CELF4: variants seen among roughly 807,000 people sequenced by gnomAD.
CELF4 encodes the protein CUGBP Elav-like family member 4.
Under a neutral mutation model 59.9 loss-of-function variants are expected in CELF4, and 18 were observed. The ratio of observed to expected loss-of-function variants is 0.30; its 90% confidence interval spans 0.21 to 0.45. CELF4 has a LOEUF of 0.45. Ranked by LOEUF, CELF4 falls within the 20% of genes least tolerant of loss-of-function variation. CELF4 has a pLI of 1.00. For synonymous variants in CELF4, 261 were observed against 267.1 expected (o/e 0.98, Z 0.22); for missense variants, 456 against 689.0 (o/e 0.66, Z 3.79).
intron 10 of CELF4, among the ~76,000 whole-genome samples, chr18:37,259,923 A>C (rs1227486914): frequency 1.3e-5 from 2 of 152,118 alleles, no homozygotes; most frequent in African/African-American, 4.8e-5. Context: ...TAGCCAGGGA[A>C]CCCTCCAGCC....
chr18:37,472,898 G>A (rs1208207224), intron 2 of CELF4, among the ~76,000 whole-genome samples: 1 of 152,198 alleles, frequency 6.6e-6, no homozygotes, highest in Non-Finnish European at 1.5e-5. Context: ...ATTTATGATG[G>A]TTAAGCTAGT....
intron 1 of CELF4, among the ~76,000 whole-genome samples, chr18:37,550,123 T>C (rs1410999883): frequency 8.3e-6 from 1 of 119,898 alleles, no homozygotes; most frequent in Non-Finnish European, 1.6e-5. Flanking sequence ...ACCCCAAGAA[T>C]AGGTCTGGGG....
chr18:37,556,983 C>T (rs895688389), intron 1 of CELF4, among the ~76,000 whole-genome samples: 2 of 152,104 alleles, frequency 1.3e-5, no homozygotes, highest in African/African-American at 4.8e-5. Flanking sequence ...CTACATACCC[C>T]AGGTGAGGAC....
intron 2 of CELF4, among the ~76,000 whole-genome samples, chr18:37,339,323 GA>G (rs1444909146): frequency 4.6e-5 from 7 of 152,228 alleles, no homozygotes; most frequent in African/African-American, 1.7e-4. Flanking sequence ...CCCTTGACCA[GA>G]AAGTGGGGGC....
intron 2 of CELF4, among the ~76,000 whole-genome samples, chr18:37,439,842 A>G (rs1488418245): frequency 6.6e-6 from 1 of 152,120 alleles, no homozygotes; most frequent in Non-Finnish European, 1.5e-5. Flanking sequence ...TTGGGGAAAC[A>G]TTTGTCCCCA....
At chr18:37,377,281 CT>C (rs2098982250) in intron 2 of CELF4, among the ~76,000 whole-genome samples, 1 of 152,150 alleles carries the variant, frequency 6.6e-6, no homozygotes, top group Admixed American at 6.5e-5. Context: ...CGGCCTCCTG[CT>C]TCTGCAGGAC....
At chr18:37,342,231 ATG>A (rs3222501) in intron 2 of CELF4, among the ~76,000 whole-genome samples, 12 of 109,298 alleles carry the variant, frequency 1.1e-4, no homozygotes, top group Non-Finnish European at 2.0e-4. Flanking sequence ...ATAACAGCAC[ATG>A]CACACACACA....
chr18:37,325,563 C>A (rs2097281066), intron 2 of CELF4, among the ~76,000 whole-genome samples: 1 of 152,200 alleles, frequency 6.6e-6, no homozygotes, highest in Non-Finnish European at 1.5e-5. Flanking sequence ...GCTGCAGGAG[C>A]CCTCCCAACC....
At chr18:37,406,605 T>C (rs2099391059) in intron 2 of CELF4, among the ~76,000 whole-genome samples, 1 of 152,142 alleles carries the variant, frequency 6.6e-6, no homozygotes, top group South Asian at 2.1e-4. Flanking sequence ...GTTGTCCCAA[T>C]ATACCTGACC....
chr18:37,279,860 CAGG>C (rs2093900804), intron 3 of CELF4, among the ~76,000 whole-genome samples: 1 of 152,220 alleles, frequency 6.6e-6, no homozygotes, highest in Non-Finnish European at 1.5e-5. Flanking sequence ...CCAGGATGCA[CAGG>C]AGGTTGCCCA....
At chr18:37,472,591 T>C (rs1569569567) in intron 2 of CELF4, among the ~76,000 whole-genome samples, 1 of 152,228 alleles carries the variant, frequency 6.6e-6, no homozygotes. Flanking sequence ...ATGAAAGAAC[T>C]ACTGGCACCC....
chr18:37,528,757 T>C (rs1404661397), intron 1 of CELF4, among the ~76,000 whole-genome samples: 1 of 152,172 alleles, frequency 6.6e-6, no homozygotes, highest in Non-Finnish European at 1.5e-5. Flanking sequence ...TTTGCACGTG[T>C]TACTGACTGC....
chr18:37,271,277 T>TTTTTTTTTC (rs2091134925), intron 7 of CELF4, among the ~76,000 whole-genome samples: 1 of 147,832 alleles, frequency 6.8e-6, no homozygotes, highest in African/African-American at 2.5e-5. Context: ...TTTTTTTTTT[T>TTTTTTTTTC]GTCTTGCTCT....
intron 2 of CELF4, among the ~76,000 whole-genome samples, chr18:37,371,495 C>T (rs1380306505): frequency 6.6e-6 from 1 of 152,268 alleles, no homozygotes; most frequent in Non-Finnish European, 1.5e-5. Context: ...AATGTAGCAG[C>T]TCCTCTCCTG....
chr18:37,539,943 G>A (rs72893104), intron 1 of CELF4, among the ~76,000 whole-genome samples: 2,857 of 152,310 alleles, frequency 0.019, 43 homozygotes, highest in Middle Eastern at 0.031. Context: ...ACATTAGAGA[G>A]CTGGACAATA....
intron 2 of CELF4, among the ~76,000 whole-genome samples, chr18:37,401,213 C>T (rs936625976): frequency 1.1e-4 from 17 of 152,212 alleles, no homozygotes; most frequent in African/African-American, 3.4e-4. Flanking sequence ...GAAAAGAAAG[C>T]GACGGACATG....
chr18:37,544,661 G>A (rs1472490011), intron 1 of CELF4, among the ~76,000 whole-genome samples: 1 of 152,212 alleles, frequency 6.6e-6, no homozygotes, highest in Non-Finnish European at 1.5e-5. Flanking sequence ...GAGAATTTAA[G>A]AGTGTGAGAT....
rs2096455464 is a variant in CELF4 at position 37,307,135 on chromosome 18, C to A, written c.448+14668G>T. Among the ~76,000 whole-genome samples, 3 of 152,258 alleles carry A rather than the reference C, an allele frequency of 2.0e-5. No homozygotes were observed. In the South Asian group the frequency reaches 6.2e-4, roughly 32 times the overall value. ...ATGGCAGAAGGGGGCTTGTACTCCA[C>A]TCCCAGCCTGGTTGTCCCCCAGGGT... is the stretch of plus-strand genomic sequence containing the variant. On this transcript the variant is annotated intron_variant, in intron 3 of 12. Coordinates refer to ENST00000420428, the MANE Select transcript of CELF4 (RefSeq NM_020180.4).
intron 2 of CELF4, among the ~76,000 whole-genome samples, chr18:37,394,417 C>T (rs1194236950): frequency 1.3e-5 from 2 of 152,208 alleles, no homozygotes; most frequent in African/African-American, 4.8e-5. Flanking sequence ...GTGAGCTGCC[C>T]TTGGTCCAGC....
Sources: allele counts gnomAD v4.1 joint callset (sites outside exome capture counted in the v4.1 genomes callset), GRCh38; gene constraint gnomAD v4.1.1; transcripts MANE v1.5; gene names NCBI Gene and HGNC (gene_info 2026-07-23, HGNC 2026-07-21).